The following SLC7A2 variants were observed in gnomAD, a reference collection of about 807,000 sequenced individuals.
SLC7A2 encodes solute carrier family 7 member 2, also known as cationic amino acid transporter 2.
A neutral mutation model predicts 58.9 loss-of-function variants in SLC7A2; 48 were observed. The ratio of observed to expected loss-of-function variants is 0.82; its 90% CI spans 0.65 to 1.04. The LOEUF (loss-of-function observed/expected upper bound fraction) is 1.04. Among genes scored for constraint, SLC7A2 ranks in the 50% least tolerant of loss-of-function variants. The probability of loss-of-function intolerance (pLI) is 0.00; values close to 1 mark genes in which losing one functional copy is unlikely to be tolerated. For synonymous variants in SLC7A2, 363 were observed against 314.5 expected (o/e 1.15, Z -1.63); for missense variants, 1,029 against 818.8 (o/e 1.26, Z -3.13).
In SLC7A2 at chr8:17,565,096, A is replaced by G. The variant is rs376687893; in HGVS notation, c.1927A>G (p.Arg643Gly). The G allele has an allele frequency of 3.1e-6, 5 of 1,613,856 alleles. No individual in the cohort carries two copies. In the African/African-American group the frequency reaches 6.7e-5, roughly 22 times the overall value. ...SAIQANDHHP[R>G]NLSSPFIFHE... is the part of the protein sequence containing the mutation. ...CATTCAAGCAAATGACCATCACCCA[A>G]GAAATCTCAGTTCACCTTTCATATT... is the stretch of plus-strand genomic sequence containing the variant. The change falls in exon 13 of 13, where the codon AGA becomes GGA. Residue 643 changes from arginine (R) to glycine (G), a missense_variant. Arg to Gly is a moderately radical substitution (Grantham distance 125, BLOSUM62 -2). Coordinates refer to ENST00000494857, the MANE Select transcript of SLC7A2 (RefSeq NM_001370338.1).
upstream of SLC7A2, among the ~76,000 whole-genome samples, chr8:17,496,279 G>A (rs1799956035): frequency 6.6e-6 from 1 of 152,126 alleles, no homozygotes; most frequent in Non-Finnish European, 1.5e-5. Context: ...CCACGATTGT[G>A]TCACTGCCCT....
At chr8:17,549,989 G>T (rs924097291) in intron 5 of SLC7A2, among the ~76,000 whole-genome samples, 5 of 152,202 alleles carry the variant, frequency 3.3e-5, no homozygotes, top group African/African-American at 1.2e-4. Flanking sequence ...TTGTCCCAGA[G>T]CATGGCTCGT....
intron 2 of SLC7A2, among the ~76,000 whole-genome samples, chr8:17,542,965 A>T (rs1379147911): frequency 6.6e-6 from 1 of 152,198 alleles, no homozygotes; most frequent in Non-Finnish European, 1.5e-5. Context: ...CTGTTTCCAA[A>T]CAAAAACAGA....
intron 2 of SLC7A2, among the ~76,000 whole-genome samples, chr8:17,522,198 G>A (rs1424915941): frequency 6.6e-6 from 1 of 152,174 alleles, no homozygotes; most frequent in South Asian, 2.1e-4. Context: ...GTCTTACAGG[G>A]TGGCAGACAG....
chr8:17,511,882 C>A (rs925704915), intron 2 of SLC7A2, among the ~76,000 whole-genome samples: 2 of 152,078 alleles, frequency 1.3e-5, no homozygotes, highest in African/African-American at 2.4e-5. Flanking sequence ...CTTTCTATAC[C>A]CCACCTCCTA....
intron 1 of SLC7A2, among the ~76,000 whole-genome samples, chr8:17,497,928 C>G (rs954359191): frequency 2.5e-4 from 38 of 152,188 alleles, no homozygotes; most frequent in African/African-American, 8.7e-4. Flanking sequence ...CCCCAGAGTA[C>G]CTGTCCGTTC....
chr8:17,521,368 T>C (rs1346953170), intron 2 of SLC7A2, among the ~76,000 whole-genome samples: 3 of 152,202 alleles, frequency 2.0e-5, no homozygotes, highest in Non-Finnish European at 4.4e-5. Flanking sequence ...GAGTGTAGGA[T>C]TGTAAGAATT....
intron 2 of SLC7A2, among the ~76,000 whole-genome samples, chr8:17,523,896 G>T (rs1277977115): frequency 2.0e-5 from 3 of 148,216 alleles, no homozygotes; most frequent in African/African-American, 5.0e-5. Flanking sequence ...AATCTACAAA[G>T]AACTCAAACA....
Position 17,544,619 on chromosome 8 carries a change from G to C in SLC7A2, c.532+13G>C, listed in dbSNP as rs1585241694. 3 of 1,612,114 alleles carry C rather than the reference G, an allele frequency of 1.9e-6. No homozygotes were observed. The East Asian group carries it at 6.7e-5, about 36-fold the overall frequency. ...TTACTTCTAGCAGGTAAGAAAACCA[G>C]TTATGAGTCTCTGCAGAATGAGCCA... On this transcript the variant is annotated intron_variant, in intron 4 of 12. Coordinates refer to ENST00000494857, the MANE Select transcript of SLC7A2 (RefSeq NM_001370338.1).
At chr8:17,530,628 G>A (rs546548823) in intron 2 of SLC7A2, among the ~76,000 whole-genome samples, 6 of 151,434 alleles carry the variant, frequency 4.0e-5, no homozygotes, top group East Asian at 3.9e-4. Flanking sequence ...CCTAGCATGC[G>A]GTGGTGCAAT....
At chr8:17,506,976 C>T (rs928254082) in intron 2 of SLC7A2, among the ~76,000 whole-genome samples, 1 of 146,210 alleles carries the variant, frequency 6.8e-6, no homozygotes, top group Non-Finnish European at 1.5e-5. Context: ...GGCAGACTCT[C>T]ACTCTGTTGC....
At chr8:17,502,453 T>A (rs954295934) in intron 2 of SLC7A2, among the ~76,000 whole-genome samples, 151 bp downstream of exon 2, 2 of 152,216 alleles carry the variant, frequency 1.3e-5, no homozygotes, top group Non-Finnish European at 2.9e-5. Context: ...TTTAGTGTCC[T>A]ACCATTGGCC....
At chr8:17,555,197 A>G (rs17124823) in intron 8 of SLC7A2, 21,566 of 906,880 alleles carry the variant, frequency 0.024, 673 homozygotes, top group South Asian at 0.1. Flanking sequence ...AAACAAAATC[A>G]CTGATAAAAA....
intron 2 of SLC7A2, among the ~76,000 whole-genome samples, chr8:17,513,660 C>T (rs1800690609): frequency 6.6e-6 from 1 of 152,084 alleles, no homozygotes. Flanking sequence ...TGAGATGAGG[C>T]CTTAATTGAT....
upstream of SLC7A2, among the ~76,000 whole-genome samples, chr8:17,494,220 G>A (rs1456544861): frequency 6.6e-6 from 1 of 152,142 alleles, no homozygotes; most frequent in African/African-American, 2.4e-5. Flanking sequence ...CTTATTTGTG[G>A]ACATGAGATT....
chr8:17,532,261 C>A (rs28602396), intron 2 of SLC7A2, among the ~76,000 whole-genome samples: 2 of 28,622 alleles, frequency 7.0e-5, no homozygotes, highest in African/African-American at 1.4e-4. Context: ...AAAAAAAAAC[C>A]CCAGCAATTC....
chr8:17,496,948 G>A (rs1799974679), upstream of SLC7A2: 1 of 151,476 alleles, frequency 6.6e-6, no homozygotes, highest in African/African-American at 2.4e-5. Flanking sequence ...CCACCCCGGG[G>A]ATTGGTCAGC....
At chr8:17,507,711 T>A (rs1039648181) in intron 2 of SLC7A2, among the ~76,000 whole-genome samples, 1 of 152,220 alleles carries the variant, frequency 6.6e-6, no homozygotes, top group African/African-American at 2.4e-5. Context: ...GAGTAAATTT[T>A]AAAAACTCTG....
upstream of SLC7A2, among the ~76,000 whole-genome samples, chr8:17,496,486 C>T (rs368878696): frequency 2.0e-5 from 3 of 152,174 alleles, no homozygotes; most frequent in East Asian, 5.8e-4. Flanking sequence ...TAGGAGAAAC[C>T]CTGATTGTGT....
Sources: allele counts gnomAD v4.1 joint callset (sites outside exome capture counted in the v4.1 genomes callset), GRCh38; gene constraint gnomAD v4.1.1; transcripts MANE v1.5; gene names NCBI Gene and HGNC (gene_info 2026-07-23, HGNC 2026-07-21).